PPM1B: variants seen among roughly 807,000 people sequenced by gnomAD.
The protein encoded by PPM1B is protein phosphatase 1B.
A neutral mutation model predicts 43.0 loss-of-function variants in PPM1B; 22 were observed. The observed-to-expected ratio is 0.51, with a 90% confidence interval of 0.37 to 0.73. The LOEUF is 0.73. Among genes scored for constraint, PPM1B ranks in the 30% least tolerant of loss-of-function variants. PPM1B has a pLI of 0.00. For missense variants in PPM1B, 632 were observed against 584.2 expected, an observed-to-expected ratio of 1.08 and a Z score of -0.84; for synonymous variants, 217 against 197.9, an observed-to-expected ratio of 1.10 and a Z score of -0.81.
intron 4 of PPM1B, 48 bp from the exon 5 acceptor site, chr2:44,218,432 A>T: frequency 7.1e-7 from 1 of 1,415,426 alleles, no homozygotes; most frequent in Non-Finnish European, 9.8e-7. Context: ...TCACAAGCTT[A>T]AAATTCTGTG....
chr2:44,236,308 C>T (rs1023067722), downstream of PPM1B, among the ~76,000 whole-genome samples: 8 of 147,458 alleles, frequency 5.4e-5, no homozygotes, highest in African/African-American at 2.0e-4. Flanking sequence ...GAGTTTGAGG[C>T]AGGAGAATCG....
intron 1 of PPM1B, among the ~76,000 whole-genome samples, chr2:44,178,532 A>G (rs1223148846): frequency 2.7e-5 from 4 of 150,320 alleles, no homozygotes; most frequent in African/African-American, 4.9e-5. Context: ...CAATGATGCA[A>G]TCTTGGCTCA....
intron 1 of PPM1B, among the ~76,000 whole-genome samples, chr2:44,200,678 C>A (rs1371851287): frequency 6.6e-6 from 1 of 152,102 alleles, no homozygotes; most frequent in Non-Finnish European, 1.5e-5. Flanking sequence ...ATCTTGATTT[C>A]AATACTTGCT....
chr2:44,211,490 T>C (rs1165376576), intron 3 of PPM1B, among the ~76,000 whole-genome samples: 1 of 152,166 alleles, frequency 6.6e-6, no homozygotes, highest in African/African-American at 2.4e-5. Flanking sequence ...AGGCATGTGA[T>C]GTTGATTTAT....
chr2:44,190,445 C>T (rs1267978711), intron 1 of PPM1B, among the ~76,000 whole-genome samples: 3 of 152,164 alleles, frequency 2.0e-5, no homozygotes. Context: ...AGGCGTGAGC[C>T]ACTGTGCCTG....
At chr2:44,172,367 G>A (rs1202578806) in intron 1 of PPM1B, among the ~76,000 whole-genome samples, 1 of 152,200 alleles carries the variant, frequency 6.6e-6, no homozygotes, top group Non-Finnish European at 1.5e-5. Context: ...AACATTGATG[G>A]TGAAATAGAG....
In PPM1B at chr2:44,201,482, C is replaced by T; in HGVS notation, c.283C>T (p.Leu95Phe). 6.2e-7 allele frequency: 1 copy of T among 1,614,164 alleles called. No individual in the cohort carries two copies. Among genetic ancestry groups the T allele is most frequent in the Admixed American group, 1.7e-5 (1 of 60,012 alleles). Reference protein sequence around the residue: ...FRAAGKSGSALELSVENVKNG... With the variant: ...FRAAGKSGSAFELSVENVKNG... ...GGCAGCTGGAAAATCAGGATCTGCTCTTGAGCTTTCAGTGGAAAATGTTAA... is the reference window on the plus strand; with the variant it reads ...GGCAGCTGGAAAATCAGGATCTGCTTTTGAGCTTTCAGTGGAAAATGTTAA... Residue 95 changes from leucine (L) to phenylalanine (F), a missense_variant, in exon 2 of 6, where the codon CTT (leucine) becomes TTT (phenylalanine). Physicochemically the swap from Leu to Phe is conservative, Grantham distance 22 (BLOSUM62 0). This residue lies in a region of PPM1B where 200 missense variants were observed against 200.7 expected (regional missense o/e 1.00). Transcript: ENST00000282412. This position sits in a 1 kb window ranked among gnomAD's most constrained non-coding sequence, Gnocchi z 5.4.
intron 5 of PPM1B, among the ~76,000 whole-genome samples, chr2:44,226,563 C>T (rs1234048210): frequency 6.6e-6 from 1 of 152,068 alleles, no homozygotes; most frequent in East Asian, 1.9e-4. Flanking sequence ...AACCCAAATC[C>T]ACTGAATCTG....
downstream of PPM1B, among the ~76,000 whole-genome samples, chr2:44,236,099 A>G (rs1482269609): frequency 6.6e-6 from 1 of 151,880 alleles, no homozygotes; most frequent in Non-Finnish European, 1.5e-5. Flanking sequence ...GTCATTGAAA[A>G]AAAATTATAA....
Position 44,202,050 on chromosome 2 carries a change from G to T in PPM1B, c.846+5G>T. On this transcript the variant is annotated splice_donor_5th_base_variant and intron_variant, in intron 2 of 5. Coordinates refer to ENST00000282412, the MANE Select transcript of PPM1B (RefSeq NM_002706.6). ...GTGGACACTTGTTTACACAAGGTAT[G>T]TAAACTTTTTTGTCATTAAAATAAC... 6.6e-7 allele frequency: 1 copy of T among 1,512,976 alleles called. No homozygotes were observed. The highest frequency in any genetic ancestry group is 8.8e-7 in the Non-Finnish European group (1 of 1,132,026). 93.7% of individuals were successfully genotyped at this position (1,512,976 alleles called of 1,614,324 possible).
At chr2:44,228,040 G>T (rs1365807648) in intron 5 of PPM1B, among the ~76,000 whole-genome samples, 1 of 149,724 alleles carries the variant, frequency 6.7e-6, no homozygotes, top group African/African-American at 2.5e-5. Flanking sequence ...TCCTGCCTCA[G>T]CCTCCCGGAG....
chr2:44,180,618 TG>T (rs1667828799), intron 1 of PPM1B, among the ~76,000 whole-genome samples: 1 of 152,058 alleles, frequency 6.6e-6, no homozygotes, highest in Non-Finnish European at 1.5e-5. Flanking sequence ...AAATTACTTT[TG>T]TTTTTTTTTG....
At position 44,226,304 on chromosome 2, in the gene PPM1B, T is replaced by G. The variant is rs114747091; in HGVS notation, c.1135-4109T>G. On this transcript the variant is annotated intron_variant, in intron 5 of 5. Coordinates refer to ENST00000282412, the MANE Select transcript of PPM1B (RefSeq NM_002706.6). ...ATATCTTTTAAAAAGCAACTTCTCT[T>G]CCCCAACTGTCACTACTATAGCAAT... Among the ~76,000 whole-genome samples the G allele has an allele frequency of 3.6e-3, 547 of 152,048 alleles. 3 individuals are homozygous for G. Among genetic ancestry groups the G allele is most frequent in the African/African-American group, 0.013 (529 of 41,484 alleles).
At chr2:44,197,143 C>G (rs1416919626) in intron 1 of PPM1B, among the ~76,000 whole-genome samples, 1 of 152,148 alleles carries the variant, frequency 6.6e-6, no homozygotes, top group Non-Finnish European at 1.5e-5. Context: ...GAGACAGGGT[C>G]TTGCTGTGTC....
At chr2:44,204,817 C>G (rs1669093575) in intron 2 of PPM1B, among the ~76,000 whole-genome samples, 1 of 144,712 alleles carries the variant, frequency 6.9e-6, no homozygotes, top group Non-Finnish European at 1.5e-5. Context: ...CGAGATCACG[C>G]CACTGCACTC....
intron 1 of PPM1B, among the ~76,000 whole-genome samples, chr2:44,182,693 A>T (rs1667937952): frequency 6.6e-6 from 1 of 152,098 alleles, no homozygotes; most frequent in Admixed American, 6.6e-5. Context: ...TCCTCTGTTT[A>T]GTAGGCACTT....
At chr2:44,190,155 A>ATTT (rs35252924) in intron 1 of PPM1B, among the ~76,000 whole-genome samples, 3 of 112,036 alleles carry the variant, frequency 2.7e-5, no homozygotes, top group African/African-American at 6.3e-5. Flanking sequence ...AGTTTATTTG[A>ATTT]TTTTTTTTTT....
downstream of PPM1B, among the ~76,000 whole-genome samples, chr2:44,236,007 AGTTT>A (rs1670596931): frequency 6.6e-6 from 1 of 152,174 alleles, no homozygotes; most frequent in South Asian, 2.1e-4. Context: ...CTTCACCGTT[AGTTT>A]ATTAACCTGA....
chr2:44,232,500 A>T, downstream of PPM1B: 1 of 1,483,852 alleles, frequency 6.7e-7, no homozygotes, highest in Non-Finnish European at 8.9e-7. Flanking sequence ...TCATTTGTTC[A>T]TATTTGTGTT....
Sources: allele counts gnomAD v4.1 joint callset (sites outside exome capture counted in the v4.1 genomes callset), GRCh38; gene constraint gnomAD v4.1.1; regional missense constraint gnomAD v4.1.1; non-coding constraint Gnocchi (gnomAD v3.1); transcripts MANE v1.5; gene names NCBI Gene and HGNC (gene_info 2026-07-23, HGNC 2026-07-21).